The following DNAH6 variants were observed in gnomAD, a reference collection of about 807,000 sequenced individuals.
DNAH6 encodes axonemal beta dynein heavy chain 6.
A neutral mutation model predicts 491.4 loss-of-function variants in DNAH6; 340 were observed. That is an observed-to-expected ratio of 0.69 (90% CI 0.63 to 0.76). DNAH6 has a LOEUF of 0.76. DNAH6 is among the 30% of genes least tolerant of loss of function. DNAH6 has a pLI of 0.00. For synonymous variants in DNAH6, 1,603 were observed against 1,686.1 expected (o/e 0.95, Z 1.21); for missense variants, 4,443 against 4,972.2 (o/e 0.89, Z 3.20).
intron 37 of DNAH6, among the ~76,000 whole-genome samples, chr2:84,661,013 T>C (rs1691448836): frequency 6.6e-6 from 1 of 152,154 alleles, no homozygotes; most frequent in Non-Finnish European, 1.5e-5. Context: ...ATATAGAATG[T>C]AAATTAAATA....
the DNAH6 span, among the ~76,000 whole-genome samples, chr2:84,465,160 G>C: frequency 6.6e-6 from 1 of 152,226 alleles, no homozygotes; most frequent in Non-Finnish European, 1.5e-5. Context: ...CTTGAGTTTT[G>C]ACAAAAAGTG....
At chr2:84,712,123 C>G (rs1185598549) in intron 56 of DNAH6, among the ~76,000 whole-genome samples, 1 of 152,234 alleles carries the variant, frequency 6.6e-6, no homozygotes, top group Non-Finnish European at 1.5e-5. Context: ...TAGCTGCTTT[C>G]TACATTTGCT....
chr2:84,520,701 T>G (rs1347392794), intron 2 of DNAH6, among the ~76,000 whole-genome samples: 1 of 152,148 alleles, frequency 6.6e-6, no homozygotes, highest in Non-Finnish European at 1.5e-5. Flanking sequence ...CCAAGGATGA[T>G]GACCTCAAGC....
At chr2:84,462,724 G>T in the DNAH6 span, among the ~76,000 whole-genome samples, 3 of 152,266 alleles carry the variant, frequency 2.0e-5, no homozygotes, top group East Asian at 5.8e-4. Context: ...GATAGGTCTT[G>T]GTCAGAGAAT....
chr2:84,624,638 T>C lies in DNAH6; in HGVS notation c.4353+18T>C. On this transcript the variant is annotated intron_variant, in intron 28 of 76. Transcript: ENST00000389394. ...CACTCACAGTAAGTTATTGATCACT[T>C]GGGTTAATATTGACACAAGAGTGCT... 6.5e-7 allele frequency: 1 copy of C among 1,547,680 alleles called. No homozygotes were observed. The highest frequency in any genetic ancestry group is 8.7e-7 in the Non-Finnish European group (1 of 1,144,642).
chr2:84,818,483 T>TAA (rs1396895235), intron 76 of DNAH6, among the ~76,000 whole-genome samples: 936 of 35,494 alleles, frequency 0.026, 33 homozygotes, highest in African/African-American at 0.067. Context: ...AGACCCTATC[T>TAA]CAAAAAAAAA....
At chr2:84,675,737 C>T (rs1294985199) in intron 40 of DNAH6, among the ~76,000 whole-genome samples, 1 of 152,180 alleles carries the variant, frequency 6.6e-6, no homozygotes, top group African/African-American at 2.4e-5. Context: ...AGGCTCACTA[C>T]AGCCTCAACC....
chr2:84,584,011 G>A lies in DNAH6; in HGVS notation c.2242G>A (p.Glu748Lys), dbSNP rs1357034940. ...DEIQERIESLEDEGNIVTQMY... is the reference protein window; with the variant it reads ...DEIQERIESLKDEGNIVTQMY... ...TGTTTCCATTTAGATTGAAAGCCTT[G>A]AAGATGAGGGGAATATAGTGACTCA... Residue 748 changes from glutamate to lysine, a missense_variant, in exon 15 of 77, where the codon GAA becomes AAA. Coordinates refer to ENST00000389394, the MANE Select transcript of DNAH6 (RefSeq NM_001370.2). 5 of 1,613,312 alleles carry A rather than the reference G, an allele frequency of 3.1e-6. No homozygotes were observed. The African/African-American group carries it at 6.7e-5, about 22-fold the overall frequency.
intron 59 of DNAH6, 26 bp from the exon 60 acceptor site, chr2:84,722,599 G>A (rs904398860): frequency 6.6e-7 from 1 of 1,524,330 alleles, no homozygotes. Flanking sequence ...AGATCCCTAA[G>A]AACTTGTTAT....
At chr2:84,610,532 A>C (rs1215857059) in intron 21 of DNAH6, among the ~76,000 whole-genome samples, 2 of 152,116 alleles carry the variant, frequency 1.3e-5, no homozygotes, top group Non-Finnish European at 2.9e-5. Flanking sequence ...CTTGTGGTGC[A>C]CATGTTCTTT....
chr2:84,616,863 T>G, intron 22 of DNAH6, 23 bp from the exon 23 acceptor site: 1 of 1,316,742 alleles, frequency 7.6e-7, no homozygotes, highest in Non-Finnish European at 1.0e-6. Context: ...GTTTTACCAA[T>G]ACTATTTTTT....
chr2:84,544,167 C>T, intron 4 of DNAH6, 66 bp from the exon 5 acceptor site: 1 of 817,674 alleles, frequency 1.2e-6, no homozygotes, highest in Non-Finnish European at 1.8e-6. Context: ...AATAAAAAAG[C>T]AATGCAATTG....
rs1678996595 is a variant in DNAH6 at position 84,548,344 on chromosome 2, A to G, written c.1243A>G (p.Thr415Ala). The G allele has an allele frequency of 6.2e-7, 1 of 1,613,946 alleles. No homozygotes were observed. The highest frequency in any genetic ancestry group is 8.5e-7 in the Non-Finnish European group (1 of 1,179,864). The change falls in exon 8 of 77, where the codon ACT becomes GCT. Residue 415 changes from threonine to alanine, a missense_variant. By Grantham distance (58) the Thr-to-Ala change is moderately conservative (BLOSUM62 0). Around this residue, in one of 3 missense-constraint regions of DNAH6, gnomAD observed 2,977 missense variants for 3,296.6 expected, o/e 0.90. Transcript: ENST00000389394. ...SFINTPHELP[T>A]YGDSEKMTYT... ...CATTAATACACCACATGAGTTGCCC[A>G]CTTATGGAGACTCTGAGAAAATGAC...
chr2:84,792,664 A>G (rs901141355), intron 68 of DNAH6, among the ~76,000 whole-genome samples: 2 of 152,210 alleles, frequency 1.3e-5, no homozygotes, highest in Non-Finnish European at 1.5e-5. Context: ...GTCTTCAACA[A>G]CACTAAAAAA....
chr2:84,812,567 G>T (rs1680095025), intron 73 of DNAH6, 41 bp downstream of exon 73: 3 of 1,517,686 alleles, frequency 2.0e-6, no homozygotes, highest in African/African-American at 1.4e-5. Flanking sequence ...GAATCTGATG[G>T]CATAGTTGGC....
intron 76 of DNAH6, among the ~76,000 whole-genome samples, chr2:84,816,771 ACT>A (rs1374142871): frequency 6.6e-6 from 1 of 152,156 alleles, no homozygotes; most frequent in East Asian, 1.9e-4. Flanking sequence ...CTGATGCAAA[ACT>A]CTGAGTGCAT....
chr2:84,558,354 G>A (rs1033203913), intron 11 of DNAH6, among the ~76,000 whole-genome samples: 1 of 151,442 alleles, frequency 6.6e-6, no homozygotes, highest in Non-Finnish European at 1.5e-5. Context: ...GAACCCGGGA[G>A]GCAAACTTGC....
intron 70 of DNAH6, among the ~76,000 whole-genome samples, chr2:84,801,622 G>T (rs1678921905): frequency 6.6e-6 from 1 of 152,156 alleles, no homozygotes; most frequent in Admixed American, 6.5e-5. Flanking sequence ...AGTGGCTCAT[G>T]CCTGTAATCC....
chr2:84,578,999 C>A (rs1210490872), intron 13 of DNAH6, among the ~76,000 whole-genome samples: 2 of 152,184 alleles, frequency 1.3e-5, no homozygotes, highest in Non-Finnish European at 1.5e-5. Flanking sequence ...TTTCCTGAAG[C>A]CTCCCCAGCC....
Sources: gnomAD v4.1 joint callset for allele counts (sites outside exome capture counted in the v4.1 genomes callset) on GRCh38, gnomAD v4.1.1 for gene constraint, gnomAD v4.1.1 regional missense constraint, MANE v1.5 for transcripts, NCBI Gene and HGNC (gene_info 2026-07-23, HGNC 2026-07-21) for gene names.